Variants in LCTL observed in about 807,000 individuals in gnomAD.
LCTL encodes lactase-like protein.
A neutral mutation model predicts 75.8 loss-of-function variants in LCTL; 76 were observed. That is an observed-to-expected ratio of 1.00 (90% CI 0.83 to 1.21). LCTL has a LOEUF of 1.21. Ranked by LOEUF, LCTL falls within the 50% of genes most tolerant of loss-of-function variation. LCTL has a pLI of 0.00. For missense variants in LCTL, 670 were observed against 712.4 expected (o/e 0.94, Z 0.68); for synonymous variants, 271 against 268.8 (o/e 1.01, Z -0.08).
intron 4 of LCTL, 46 bp from the exon 6 acceptor site, chr15:66,561,361 G>T (rs187078644): frequency 8.1e-6 from 13 of 1,611,392 alleles, no homozygotes; most frequent in Non-Finnish European, 1.1e-5. Context: ...ACCGCAAAGC[G>T]GTTTAAATGT....
chr15:66,558,691 T>A (rs866044972), intron 6 of LCTL, among the ~76,000 whole-genome samples: 54 of 138,614 alleles, frequency 3.9e-4, no homozygotes, highest in African/African-American at 1.3e-3. Flanking sequence ...GTGTGTGTTT[T>A]TTTTTTTTTT....
intron 4 of LCTL, among the ~76,000 whole-genome samples, chr15:66,563,064 T>C (rs186534548): frequency 2.9e-3 from 441 of 152,338 alleles, no homozygotes; most frequent in Non-Finnish European, 4.8e-3. Context: ...GGAATTCATG[T>C]TGAAACTGTA....
At chr15:66,565,635 T>C (rs1323493516), upstream of LCTL, 5 of 431,516 alleles carry the variant, frequency 1.2e-5, no homozygotes, top group African/African-American at 6.3e-5. Flanking sequence ...ACCCAGCCCA[T>C]ACCCCTGAGT....
At chr15:66,565,453 G>T in exon 1 of LCTL, 1 of 805,442 alleles carries the variant, frequency 1.2e-6, no homozygotes, top group Non-Finnish European at 2.0e-6. Context: ...TTGGCTTAGG[G>T]CAAAGGCCAA....
intron 8 of LCTL, among the ~76,000 whole-genome samples, chr15:66,557,069 C>T (rs1316237940): frequency 1.3e-5 from 2 of 152,172 alleles, no homozygotes; most frequent in African/African-American, 4.8e-5. Flanking sequence ...ATCTTGTGGC[C>T]ATGGGGATTG....
At chr15:66,554,287 T>C in intron 8 of LCTL, among the ~76,000 whole-genome samples, 1 of 77,658 alleles carries the variant, frequency 1.3e-5, no homozygotes, top group Non-Finnish European at 2.3e-5. Flanking sequence ...CAAGACTGTC[T>C]CAAAAAAAAA....
Position 66,551,858 on chromosome 15 carries a change from A to ATAGC in LCTL, c.1325-1_1327dup (p.Ile443SerfsTer7), listed in dbSNP as rs868500940. 1 of 1,607,376 alleles carries ATAGC rather than the reference A, an allele frequency of 6.2e-7. No individual in the cohort carries two copies. Among genetic ancestry groups the ATAGC allele is most frequent in the African/African-American group, 1.3e-5 (1 of 74,684 alleles). ...CCCCTTTATATTAGCACCATCTTTT[A>ATAGC]TAGCTGCAAAGACATTTTATTCCAT... On this transcript the variant is annotated frameshift_variant, in exon 11 of 13. Coordinates refer to ENST00000341509, the Ensembl canonical transcript of LCTL. LOFTEE classifies it high-confidence loss of function.
At chr15:66,552,113 G>T (rs758393637) in exon 10 of LCTL, 1 of 1,613,088 alleles carries the variant, frequency 6.2e-7, no homozygotes, top group African/African-American at 1.3e-5. Flanking sequence ...GAGTACAGTG[G>T]AATTTTTGAG....
At chr15:66,552,253 A>C in intron 9 of LCTL, 84 bp from the exon 11 acceptor site, 1 of 1,107,688 alleles carries the variant, frequency 9.0e-7, no homozygotes, top group Non-Finnish European at 1.3e-6. Flanking sequence ...ATAGGAACAC[A>C]TATTCAAGCC....
At chr15:66,551,731 G>A (rs761284598) in exon 11 of LCTL, 15 of 1,613,902 alleles carry the variant, frequency 9.3e-6, no homozygotes, top group Non-Finnish European at 1.2e-5. Flanking sequence ...CCTTTGGATA[G>A]CGAGGCTTAT....
chr15:66,562,794 G>A (rs937811263), intron 4 of LCTL, among the ~76,000 whole-genome samples: 3 of 152,156 alleles, frequency 2.0e-5, no homozygotes, highest in African/African-American at 7.2e-5. Flanking sequence ...AGGTTGGCCA[G>A]GCTGGTCTCG....
intron 12 of LCTL, chr15:66,549,574 T>G (rs995954805): frequency 1.3e-5 from 2 of 152,544 alleles, no homozygotes; most frequent in Non-Finnish European, 2.9e-5. Flanking sequence ...TAGGAAATGA[T>G]GTCTTCTATG....
chr15:66,548,781 G>C, intron 12 of LCTL, 176 bp from the exon 14 acceptor site: 1 of 433,660 alleles, frequency 2.3e-6, no homozygotes, highest in Non-Finnish European at 4.1e-6. Flanking sequence ...ATTTGAAAAT[G>C]TTATAAGAGC....
rs916990063 is a variant in LCTL at position 66,561,888 on chromosome 15, C to T, written c.481-573G>A. Among the ~76,000 whole-genome samples, 3 of 152,272 alleles carry T rather than the reference C, an allele frequency of 2.0e-5. No homozygotes were observed. In the East Asian group the frequency reaches 5.8e-4, roughly 29 times the overall value. The stretch of plus-strand genomic sequence containing the variant: ...CAGAATAAACCCAGTTCCCAGTCAT[C>T]TTAGCTCAGCACTCGAGGCCTTCGA... On this transcript the variant is annotated intron_variant, in intron 4 of 12. Transcript: ENST00000341509.
chr15:66,553,247 C>T, exon 9 of LCTL: 1 of 1,565,152 alleles, frequency 6.4e-7, no homozygotes, highest in Non-Finnish European at 8.6e-7. Flanking sequence ...CCTTGCTCTG[C>T]ACTCTTTCTT....
At chr15:66,551,371 GAC>G (rs909858663) in intron 11 of LCTL, among the ~76,000 whole-genome samples, 10 of 91,202 alleles carry the variant, frequency 1.1e-4, no homozygotes, top group Admixed American at 3.2e-4. Flanking sequence ...AAAAAAAAAA[GAC>G]ACGAGATTTA....
intron 6 of LCTL, among the ~76,000 whole-genome samples, chr15:66,558,693 T>C (rs1258283866): frequency 6.8e-6 from 1 of 148,076 alleles, no homozygotes; most frequent in Non-Finnish European, 1.5e-5. Context: ...GTGTGTTTTT[T>C]TTTTTTTTTT....
At chr15:66,555,757 G>T (rs1449927130) in intron 8 of LCTL, among the ~76,000 whole-genome samples, 1 of 152,116 alleles carries the variant, frequency 6.6e-6, no homozygotes, top group East Asian at 1.9e-4. Flanking sequence ...CATAGAATGG[G>T]AGGAAATATT....
Position 66,565,384 on chromosome 15 carries a change from A to C in LCTL, c.-19T>G. 2 of 1,503,776 alleles carry C rather than the reference A, an allele frequency of 1.3e-6. No individual in the cohort carries two copies. Among genetic ancestry groups the C allele is most frequent in the Non-Finnish European group, 1.8e-6 (2 of 1,094,206 alleles). The allele number at this position is 1,503,776 out of a possible 1,614,324, so 93.2% of individuals were successfully genotyped here. On this transcript the variant is annotated 5_prime_UTR_variant, in exon 1 of 13. An upstream start codon of the reference 5' UTR is lost. Coordinates refer to ENST00000341509, the Ensembl canonical transcript of LCTL. ...GCTTCATGGTGCCTGGCCCTCCCCC[A>C]TACCTGAAAAAGTGCAGCTGGCTCT...
Sources: allele counts gnomAD v4.1 joint callset (sites outside exome capture counted in the v4.1 genomes callset), GRCh38; gene constraint gnomAD v4.1.1; transcripts MANE v1.5; gene names NCBI Gene and HGNC (gene_info 2026-07-23, HGNC 2026-07-21).